TBX1: variants seen among roughly 807,000 people sequenced by gnomAD.
The protein encoded by TBX1 is T-box transcription factor TBX1.
TBX1 carries 16 observed loss-of-function variants against 40.8 expected under a neutral mutation model. That is an observed-to-expected ratio of 0.39 (90% CI 0.27 to 0.60). The LOEUF (loss-of-function observed/expected upper bound fraction) is 0.60, where lower values mean the gene tolerates loss of function less well. Ranked by LOEUF, TBX1 falls within the 20% of genes least tolerant of loss-of-function variation. The pLI is 0.51. For synonymous variants in TBX1, 403 were observed against 336.8 expected (o/e 1.20, Z -2.15); for missense variants, 755 against 728.5 (o/e 1.04, Z -0.42).
upstream of TBX1, among the ~76,000 whole-genome samples, chr22:19,757,752 G>A (rs1936519504): frequency 1.3e-5 from 2 of 152,196 alleles, no homozygotes; most frequent in African/African-American, 4.8e-5. Flanking sequence ...GAAGGAAAGG[G>A]GCCTGGAACC....
At position 19,760,908 on chromosome 22, in the gene TBX1, T is replaced by A; in HGVS notation, c.65T>A (p.Phe22Tyr). Residue 22 changes from phenylalanine (F) to tyrosine (Y), a missense_variant, in exon 1 of 7, where the codon TTC (phenylalanine) becomes TAC (tyrosine). Around this residue, in one of 3 missense-constraint regions of TBX1, gnomAD observed 199 missense variants for 173.0 expected, o/e 1.15. Coordinates refer to ENST00000649276, the MANE Select transcript of TBX1 (RefSeq NM_001379200.1). Reference protein sequence around the residue: ...QLSHFCDVAAFTASSLSSLGA... With the variant: ...QLSHFCDVAAYTASSLSSLGA... ...TCGCATTTCTGCGACGTTGCAGCCT[T>A]CACGGCCAGCAGCCTGAGCAGCCTG... 3.8e-6 allele frequency: 4 copies of A among 1,058,494 alleles called. No homozygotes were observed. The highest frequency in any genetic ancestry group is 4.6e-6 in the Non-Finnish European group (4 of 866,534). 65.6% of individuals were successfully genotyped at this position (1,058,494 alleles called of 1,614,324 possible). A position where few individuals can be genotyped will look rare whatever the true frequency, so the allele number is the denominator to read the frequency against.
downstream of TBX1, among the ~76,000 whole-genome samples, chr22:19,768,938 G>C (rs1443074006): frequency 7.9e-6 from 1 of 125,934 alleles, no homozygotes; most frequent in Middle Eastern, 5.3e-3. Flanking sequence ...CTGGCCATCC[G>C]GGGCTGTTCG....
chr22:19,760,857 T>C lies in TBX1; in HGVS notation c.14T>C (p.Val5Ala). 2.0e-6 allele frequency: 2 copies of C among 1,007,074 alleles called. No homozygotes were observed. Among genetic ancestry groups the C allele is most frequent in the Non-Finnish European group, 2.4e-6 (2 of 834,416 alleles). The allele number at this position is 1,007,074 out of a possible 1,614,324, so 62.4% of individuals were successfully genotyped here. A position where few individuals can be genotyped will look rare whatever the true frequency, so the allele number is the denominator to read the frequency against. The change falls in exon 1 of 7, where the codon GTG (valine) becomes GCG (alanine). Residue 5 changes from valine (V) to alanine (A), a missense_variant. By Grantham distance (64) the Val-to-Ala change is moderately conservative. Around this residue, in one of 3 missense-constraint regions of TBX1, gnomAD observed 199 missense variants for 173.0 expected, o/e 1.15. Coordinates refer to ENST00000649276, the MANE Select transcript of TBX1 (RefSeq NM_001379200.1). ...GGCCCGCGGGTCATGATCTCCGCCG[T>C]GTCCAGCCCGTGGCTCACGCAGCTC... MISA[V>A]SSPWLTQLSH... is the part of the protein sequence containing the mutation.
downstream of TBX1, chr22:19,783,034 T>C: frequency 1.1e-6 from 1 of 910,794 alleles, no homozygotes; most frequent in East Asian, 2.4e-5. Context: ...GGTACTCAGG[T>C]TGGTGGTCCC....
chr22:19,759,522 G>A (rs962972004), upstream of TBX1: 6 of 1,536,528 alleles, frequency 3.9e-6, no homozygotes, highest in East Asian at 1.2e-4. Flanking sequence ...CTGTCTCCCC[G>A]AGCCAGTGCG....
chr22:19,780,740 C>T (rs988865747), downstream of TBX1, among the ~76,000 whole-genome samples: 6 of 150,518 alleles, frequency 4.0e-5, no homozygotes, highest in Admixed American at 2.0e-4. Context: ...ACCAATAGCG[C>T]ACAAGGGTTC....
chr22:19,766,762 A>AGCCGCCGCGGCC lies in TBX1; in HGVS notation c.1419_1430dup (p.Ala482_Ala485dup). The AGCCGCCGCGGCC allele has an allele frequency of 6.7e-7, 1 of 1,488,698 alleles. No individual in the cohort carries two copies. Among genetic ancestry groups the AGCCGCCGCGGCC allele is most frequent in the Non-Finnish European group, 8.8e-7 (1 of 1,133,676 alleles). 92.2% of individuals were successfully genotyped at this position (1,488,698 alleles called of 1,614,324 possible). ...ACCACCACCACCACCCCGTGAGTCC[A>AGCCGCCGCGGCC]GCCGCCGCGGCCGCCGCCGCCGCTG... On this transcript the variant is annotated inframe_insertion, in exon 7 of 7. Transcript: ENST00000649276.
chr22:19,772,024 C>T (rs1936997989), downstream of TBX1, among the ~76,000 whole-genome samples: 1 of 152,222 alleles, frequency 6.6e-6, no homozygotes, highest in African/African-American at 2.4e-5. Context: ...TTTCTCAGGA[C>T]ACTCCTCCCT....
chr22:19,764,302 C>T lies in TBX1; in HGVS notation c.687C>T (p.Asn229=). ...IVSFDKLKLT[N]NLLDDNGHII... ...CCTTCGACAAGCTCAAGCTGACCAA[C>T]AACCTACTGGACGACAACGGCCACG... is the stretch of plus-strand genomic sequence containing the variant. Residue 229 remains asparagine, a synonymous_variant, in exon 3 of 7, where the codon AAC becomes AAT. Coordinates refer to ENST00000649276, the MANE Select transcript of TBX1 (RefSeq NM_001379200.1). The T allele has an allele frequency of 1.2e-6, 2 of 1,613,144 alleles. No individual in the cohort carries two copies. Among genetic ancestry groups the T allele is most frequent in the South Asian group, 1.1e-5 (1 of 91,082 alleles).
upstream of TBX1, among the ~76,000 whole-genome samples, chr22:19,760,227 A>T (rs1362642715): frequency 5.7e-4 from 40 of 69,896 alleles, no homozygotes; most frequent in Non-Finnish European, 8.2e-4. Context: ...TTTTTTTTTA[A>T]AAAGAAAAAC....
rs1283878885 is a variant in TBX1 at position 19,764,270 on chromosome 22, A to G, written c.655A>G (p.Ile219Val). ...PAKGAQWMKQ[I>V]VSFDKLKLTN... Reference sequence around the variant, plus strand: ...CAAGGGCGCGCAGTGGATGAAGCAAATCGTGTCCTTCGACAAGCTCAAGCT... The same window carrying G: ...CAAGGGCGCGCAGTGGATGAAGCAAGTCGTGTCCTTCGACAAGCTCAAGCT... Residue 219 changes from isoleucine (I) to valine (V), a missense_variant, in exon 3 of 7, where the codon ATC becomes GTC. Physicochemically the swap from Ile to Val is conservative, Grantham distance 29 (BLOSUM62 3). This residue lies in a region of TBX1 where 144 missense variants were observed against 238.0 expected (regional missense o/e 0.61). Transcript: ENST00000649276. 3 of 1,613,430 alleles carry G rather than the reference A, an allele frequency of 1.9e-6. No homozygotes were observed. Among genetic ancestry groups the G allele is most frequent in the East Asian group, 4.5e-5 (2 of 44,866 alleles).
rs1337949186 is a variant in TBX1, at chr22:19,764,170, C to T, written c.555C>T (p.Ser185=). 1.2e-6 allele frequency: 2 copies of T among 1,612,936 alleles called. No homozygotes were observed. Among genetic ancestry groups the T allele is most frequent in the Non-Finnish European group, 8.5e-7 (1 of 1,179,890 alleles). ...DDKRYRYAFH[S]SSWLVAGKAD... ...GCCGCTCCAGGTACGCCTTCCACAG[C>T]TCCTCCTGGCTGGTGGCGGGGAAGG... is the stretch of plus-strand genomic sequence containing the variant. The change falls in exon 3 of 7, where the codon AGC becomes AGT. Residue 185 remains serine, a synonymous_variant. Transcript: ENST00000649276.
Position 19,761,134 on chromosome 22 carries a change from C to T in TBX1, c.291C>T (p.Gly97=). Residue 97 remains glycine, a synonymous_variant, in exon 1 of 7, where the codon GGC becomes GGT. Transcript: ENST00000649276. The stretch of plus-strand genomic sequence containing the variant: ...CCAGCGCCGCCGCCGAGCCCGAGGG[C>T]CCCGGGGCCAGCTGCGCGGCCGCAG... ...AATSAAAEPE[G]PGASCAAAAK... 2 of 1,433,682 alleles carry T rather than the reference C, an allele frequency of 1.4e-6. No homozygotes were observed. Among genetic ancestry groups the T allele is most frequent in the Non-Finnish European group, 1.8e-6 (2 of 1,082,114 alleles). 88.8% of individuals were successfully genotyped at this position (1,433,682 alleles called of 1,614,324 possible). A position where few individuals can be genotyped will look rare whatever the true frequency, so the allele number is the denominator to read the frequency against.
upstream of TBX1, among the ~76,000 whole-genome samples, chr22:19,757,855 G>A (rs1288420173): frequency 2.0e-5 from 3 of 152,150 alleles, no homozygotes; most frequent in Non-Finnish European, 4.4e-5. Flanking sequence ...CACTGTCATG[G>A]CCCAGAATGA....
At chr22:19,761,334 TGC>T (rs1176606196) in intron 1 of TBX1, 54 bp downstream of exon 1, 1 of 1,500,428 alleles carries the variant, frequency 6.7e-7, no homozygotes, top group Non-Finnish European at 8.9e-7. Context: ...CCGCCAGGGC[TGC>T]GGGCCTCCGC....
At chr22:19,779,188 A>G (rs1276668924) in intron 8 of TBX1, 2 of 1,613,372 alleles carry the variant, frequency 1.2e-6, no homozygotes, top group African/African-American at 1.3e-5. Context: ...ATGGTACTTC[A>G]TCCACTCTCA....
downstream of TBX1, chr22:19,783,141 G>A: frequency 1.4e-6 from 1 of 719,070 alleles, no homozygotes; most frequent in Non-Finnish European, 2.6e-6. Flanking sequence ...ATCACCCCGT[G>A]GAGTAGACAA....
At chr22:19,759,748 G>A, upstream of TBX1, 5 of 1,563,732 alleles carry the variant, frequency 3.2e-6, no homozygotes, top group South Asian at 5.7e-5. Context: ...TGGGGCCCGG[G>A]TGCAAAGTAG....
chr22:19,781,894 A>G (rs1825666197), downstream of TBX1, among the ~76,000 whole-genome samples: 1 of 152,194 alleles, frequency 6.6e-6, no homozygotes. Flanking sequence ...AGGCAGAGGT[A>G]GGAGAATTGC....
Sources: allele counts gnomAD v4.1 joint callset (sites outside exome capture counted in the v4.1 genomes callset), GRCh38; gene constraint gnomAD v4.1.1; regional missense constraint gnomAD v4.1.1; transcripts MANE v1.5; gene names NCBI Gene and HGNC (gene_info 2026-07-23, HGNC 2026-07-21).